LRRTM4: variants seen among roughly 807,000 people sequenced by gnomAD.
LRRTM4 encodes leucine-rich repeat transmembrane neuronal protein 4.
A neutral mutation model predicts 47.6 loss-of-function variants in LRRTM4; 25 were observed. That is an observed-to-expected ratio of 0.53 (90% CI 0.38 to 0.73). LRRTM4 has a LOEUF of 0.73. Ranked by LOEUF, LRRTM4 falls within the 30% of genes least tolerant of loss-of-function variation. The pLI is 0.00. For missense variants in LRRTM4, 638 were observed against 713.4 expected, an observed-to-expected ratio of 0.89 and a Z score of 1.20; for synonymous variants, 311 against 269.5, an observed-to-expected ratio of 1.15 and a Z score of -1.51.
rs991112538 is a variant in LRRTM4 at position 77,469,237 on chromosome 2, G to A, written c.1551+49081C>T. On this transcript the variant is annotated intron_variant, in intron 3 of 3. Transcript: ENST00000409884. ...TAACTGCAGAGTATGCCTGGGCAAA[G>A]GAAGCAGCAAGCGTTTGCCTCTGAA... 3.3e-5 allele frequency among the ~76,000 whole-genome samples: 5 copies of A among 152,222 alleles called. 1 individual carries two copies. Among genetic ancestry groups the A allele is most frequent in the African/African-American group, 1.2e-4 (5 of 41,470 alleles).
intron 3 of LRRTM4, among the ~76,000 whole-genome samples, chr2:76,839,922 G>C (rs1246201575): frequency 3.9e-5 from 6 of 151,998 alleles, no homozygotes; most frequent in Non-Finnish European, 7.4e-5. Context: ...AATGATTCTG[G>C]AATTCTTTTG....
chr2:77,324,268 G>A (rs916751415), intron 3 of LRRTM4, among the ~76,000 whole-genome samples: 5 of 152,128 alleles, frequency 3.3e-5, no homozygotes. Flanking sequence ...GGGAAACAGA[G>A]TAGCAAACAT....
At position 77,444,414 on chromosome 2, in the gene LRRTM4, G is replaced by A. The variant is rs545585808; in HGVS notation, c.1551+73904C>T. ...TGATATATTCCCTTGCTCTTATGAC[G>A]GAGATATTTCCTTCATGTTATTTTT... On this transcript the variant is annotated intron_variant, in intron 3 of 3. Coordinates refer to ENST00000409884, the MANE Select transcript of LRRTM4 (RefSeq NM_001134745.3). Among the ~76,000 whole-genome samples the A allele has an allele frequency of 1.7e-4, 26 of 152,056 alleles. No individual in the cohort carries two copies. In the South Asian group the frequency reaches 3.5e-3, roughly 21 times the overall value.
At chr2:77,048,154 C>A (rs377133768) in intron 3 of LRRTM4, among the ~76,000 whole-genome samples, 135 of 151,988 alleles carry the variant, frequency 8.9e-4, no homozygotes, top group African/African-American at 2.9e-3. Context: ...AAAAATGAAG[C>A]AGCATGTGCT....
chr2:77,101,026 G>A (rs1670938823), intron 3 of LRRTM4, among the ~76,000 whole-genome samples: 1 of 151,696 alleles, frequency 6.6e-6, no homozygotes, highest in Admixed American at 6.6e-5. Flanking sequence ...TAGTAGAGAC[G>A]GGGTTTCACC....
intron 3 of LRRTM4, among the ~76,000 whole-genome samples, chr2:77,434,150 G>A (rs963139638): frequency 6.6e-6 from 1 of 152,008 alleles, no homozygotes; most frequent in Non-Finnish European, 1.5e-5. Flanking sequence ...AGATCCCTCT[G>A]GAGATCTTAA....
intron 3 of LRRTM4, among the ~76,000 whole-genome samples, chr2:76,901,282 A>G (rs1439688188): frequency 2.6e-5 from 4 of 152,066 alleles, no homozygotes; most frequent in Admixed American, 2.0e-4. Context: ...GCTCCAACTT[A>G]TAAGTGAGAA....
At chr2:76,904,784 G>A (rs1306920863) in intron 3 of LRRTM4, among the ~76,000 whole-genome samples, 1 of 152,020 alleles carries the variant, frequency 6.6e-6, no homozygotes, top group Non-Finnish European at 1.5e-5. Flanking sequence ...AAATGAAAGG[G>A]GAGGTATAAT....
At chr2:77,031,994 A>G (rs1398627250) in intron 3 of LRRTM4, among the ~76,000 whole-genome samples, 20 of 152,032 alleles carry the variant, frequency 1.3e-4, no homozygotes, top group Admixed American at 1.2e-3. Flanking sequence ...TCGCAAATCA[A>G]AACACTTTTT....
intron 3 of LRRTM4, among the ~76,000 whole-genome samples, chr2:77,362,170 A>AAAGAAAGAAAGG (rs1282143102): frequency 0.02 from 2,652 of 132,668 alleles, 41 homozygotes; most frequent in Admixed American, 0.03. Flanking sequence ...AGAAAGAAAG[A>AAAGAAAGAAAGG]AAGGAAGGAA....
chr2:77,444,835 C>A (rs1441994276), intron 3 of LRRTM4, among the ~76,000 whole-genome samples: 1 of 151,258 alleles, frequency 6.6e-6, no homozygotes, highest in African/African-American at 2.4e-5. Context: ...AACATCTTCA[C>A]GTTGTTTTTC....
intron 3 of LRRTM4, among the ~76,000 whole-genome samples, chr2:76,849,415 A>G (rs1323021686): frequency 6.6e-6 from 1 of 152,152 alleles, no homozygotes; most frequent in African/African-American, 2.4e-5. Context: ...GGCTGAAAAT[A>G]CAGAGCTGGA....
Position 76,991,062 on chromosome 2 carries a change from A to C in LRRTM4, c.1552-242146T>G, listed in dbSNP as rs576050817. ...ATGAATGACTTTTGGGTAAAAAAGAAAATTAAGGCAGAAAGAAAACATTCT... is the reference window on the plus strand; with the variant it reads ...ATGAATGACTTTTGGGTAAAAAAGACAATTAAGGCAGAAAGAAAACATTCT... On this transcript the variant is annotated intron_variant, in intron 3 of 3. Coordinates refer to ENST00000409884, the MANE Select transcript of LRRTM4 (RefSeq NM_001134745.3). Among the ~76,000 whole-genome samples the C allele has an allele frequency of 5.9e-5, 9 of 151,958 alleles. No individual in the cohort carries two copies. The East Asian group carries it at 1.7e-3, about 29-fold the overall frequency.
At chr2:77,366,393 T>C (rs570338959) in intron 3 of LRRTM4, among the ~76,000 whole-genome samples, 1 of 152,040 alleles carries the variant, frequency 6.6e-6, no homozygotes, top group East Asian at 1.9e-4. Context: ...AATCACTCAC[T>C]ACTCAAATAC....
intron 3 of LRRTM4, among the ~76,000 whole-genome samples, chr2:77,069,850 G>T (rs942099484): frequency 9.2e-5 from 14 of 152,114 alleles, no homozygotes; most frequent in Non-Finnish European, 1.9e-4. Context: ...TCGCATTTTA[G>T]TTATTCTTTG....
intron 3 of LRRTM4, among the ~76,000 whole-genome samples, chr2:77,217,081 A>G (rs1224655741): frequency 2.0e-5 from 3 of 151,518 alleles, no homozygotes; most frequent in Non-Finnish European, 4.4e-5. Context: ...AAAAAAAAAA[A>G]AAAAAGGGAG....
At chr2:76,843,997 G>A (rs1292265157) in intron 3 of LRRTM4, among the ~76,000 whole-genome samples, 1 of 150,986 alleles carries the variant, frequency 6.6e-6, no homozygotes, top group Non-Finnish European at 1.5e-5. Flanking sequence ...TGCCTCTCAG[G>A]TTCACACCAT....
intron 3 of LRRTM4, among the ~76,000 whole-genome samples, chr2:76,876,720 A>AT (rs758465811): frequency 1.3e-5 from 2 of 151,908 alleles, no homozygotes; most frequent in African/African-American, 4.8e-5. Context: ...TATCTGGTCC[A>AT]TTTTTTTAAT....
intron 3 of LRRTM4, among the ~76,000 whole-genome samples, chr2:77,183,260 C>A (rs1157502370): frequency 1.3e-5 from 2 of 151,952 alleles, no homozygotes; most frequent in Non-Finnish European, 2.9e-5. Flanking sequence ...CCCATCAAAA[C>A]GTGGGTGAAG....
Sources: gnomAD v4.1 joint callset for allele counts (sites outside exome capture counted in the v4.1 genomes callset) on GRCh38, gnomAD v4.1.1 for gene constraint, MANE v1.5 for transcripts, NCBI Gene and HGNC (gene_info 2026-07-23, HGNC 2026-07-21) for gene names.